ATP2C2: variants seen among roughly 807,000 people sequenced by gnomAD.
ATP2C2 encodes the protein ATPase secretory pathway Ca2+ transporting 2.
Under a neutral mutation model 110.8 loss-of-function variants are expected in ATP2C2, and 171 were observed. The ratio of observed to expected loss-of-function variants is 1.54; its 90% CI spans 1.36 to 1.75. The LOEUF (loss-of-function observed/expected upper bound fraction) is 1.75. Ranked by LOEUF, ATP2C2 falls within the 40% of genes most tolerant of loss-of-function variation. The probability of loss-of-function intolerance (pLI) is 0.00; values close to 1 mark genes in which losing one functional copy is unlikely to be tolerated. For missense variants in ATP2C2, 1,963 were observed against 1,235.0 expected (o/e 1.59, Z -8.84); for synonymous variants, 804 against 508.4 (o/e 1.58, Z -7.82).
chr16:84,450,394 G>A (rs1910149185), intron 17 of ATP2C2, among the ~76,000 whole-genome samples: 1 of 152,122 alleles, frequency 6.6e-6, no homozygotes, highest in Non-Finnish European at 1.5e-5. Flanking sequence ...AGTGGCTTGG[G>A]CTTTGAGACC....
intron 9 of ATP2C2, 78 bp downstream of exon 9, chr16:84,422,775 C>T (rs1907467148): frequency 1.4e-6 from 2 of 1,432,478 alleles, no homozygotes; most frequent in African/African-American, 1.4e-5. Flanking sequence ...ACCAGCCTTG[C>T]CTACTCCTTA....
chr16:84,416,857 G>T (rs57028881), intron 7 of ATP2C2, among the ~76,000 whole-genome samples: 1 of 152,104 alleles, frequency 6.6e-6, no homozygotes, highest in African/African-American at 2.4e-5. Context: ...GCCAATCCCC[G>T]CCTACAAGGA....
At chr16:84,407,425 C>CA (rs1014375164) in intron 3 of ATP2C2, 2 of 152,186 alleles carry the variant, frequency 1.3e-5, no homozygotes, top group African/African-American at 4.8e-5. Flanking sequence ...CCTGAGGGGA[C>CA]AGGAGCCTGG....
intron 7 of ATP2C2, among the ~76,000 whole-genome samples, chr16:84,418,714 C>G (rs572675189): frequency 6.7e-4 from 102 of 152,322 alleles, no homozygotes; most frequent in African/African-American, 2.4e-3. Context: ...TCCTTACCCC[C>G]AGGACGTTCT....
intron 16 of ATP2C2, among the ~76,000 whole-genome samples, chr16:84,446,932 C>T (rs1330478854): frequency 6.6e-6 from 1 of 152,162 alleles, no homozygotes; most frequent in Non-Finnish European, 1.5e-5. Context: ...GGAGCAAATC[C>T]TTCAGTACGG....
chr16:84,430,887 C>T (rs1366886658), intron 11 of ATP2C2, among the ~76,000 whole-genome samples: 1 of 152,076 alleles, frequency 6.6e-6, no homozygotes, highest in African/African-American at 2.4e-5. Context: ...CAAAGCCGGG[C>T]TCCTTGTCAG....
rs779919296 is a variant in ATP2C2 at position 84,439,278 on chromosome 16, G to A, written c.1099G>A (p.Val367Met). 13 of 1,612,806 alleles carry A rather than the reference G, an allele frequency of 8.1e-6. No individual in the cohort carries two copies. The highest frequency in any genetic ancestry group is 2.2e-5 in the South Asian group (2 of 91,014). Residue 367 changes from valine (V) to methionine (M), a missense_variant, in exon 12 of 27, where the codon GTG (valine) becomes ATG (methionine). Transcript: ENST00000262429. The stretch of plus-strand genomic sequence containing the variant: ...GGTCATCGTGAAGAAGTTACCCATC[G>A]TGGAGACTTTAGGTGAGGGACTCCA... ...KRVIVKKLPIVETLGCCSVLC... is the reference protein window; with the variant it reads ...KRVIVKKLPIMETLGCCSVLC...
At chr16:84,417,023 G>A (rs1567708969) in intron 7 of ATP2C2, among the ~76,000 whole-genome samples, 1 of 152,206 alleles carries the variant, frequency 6.6e-6, no homozygotes, top group African/African-American at 2.4e-5. Flanking sequence ...TATGAGAGGT[G>A]GCCAATGACC....
chr16:84,426,571 T>G (rs1446072886), intron 11 of ATP2C2, among the ~76,000 whole-genome samples: 1 of 152,144 alleles, frequency 6.6e-6, no homozygotes, highest in Middle Eastern at 3.2e-3. Flanking sequence ...GCAAGTTTCT[T>G]AGCTCTCTGT....
At chr16:84,439,772 A>C (rs559684781) in intron 13 of ATP2C2, among the ~76,000 whole-genome samples, 2 of 152,346 alleles carry the variant, frequency 1.3e-5, no homozygotes, top group East Asian at 3.9e-4. Flanking sequence ...TGCAAAATTT[A>C]AAAGCTAGAA....
At chr16:84,395,986 C>T (rs1172109157) in intron 1 of ATP2C2, among the ~76,000 whole-genome samples, 1 of 152,158 alleles carries the variant, frequency 6.6e-6, no homozygotes, top group Non-Finnish European at 1.5e-5. Flanking sequence ...ACTAACTCCC[C>T]AGCCCGGTTA....
chr16:84,452,055 A>G lies in ATP2C2; in HGVS notation c.1795A>G (p.Ile599Val), dbSNP rs759371257. 9.3e-6 allele frequency: 15 copies of G among 1,613,636 alleles called. No individual in the cohort carries two copies. Among genetic ancestry groups the G allele is most frequent in the Non-Finnish European group, 1.3e-5 (15 of 1,179,966 alleles). The part of the protein sequence containing the change: ...LSESGVSVKM[I>V]TGDALETALA... ...CGAGTCTGGTGTGTCTGTGAAGATG[A>G]TAACGGGGGATGCCCTGGAGACGGC... The change falls in exon 18 of 27, where the codon ATA becomes GTA. Residue 599 changes from isoleucine to valine, a missense_variant. Physicochemically the swap from Ile to Val is conservative, Grantham distance 29. Transcript: ENST00000262429.
chr16:84,408,403 A>T lies in ATP2C2; in HGVS notation c.328-2A>T, dbSNP rs764881316. ...TGCCCCACCCTGTTATTTCCTCTTCAGTTTAAGAACCCCCTGATCCTGCTG... is the reference window on the plus strand; with the variant it reads ...TGCCCCACCCTGTTATTTCCTCTTCTGTTTAAGAACCCCCTGATCCTGCTG... On this transcript the variant is annotated splice_acceptor_variant, in intron 3 of 26. Transcript: ENST00000262429. LOFTEE classifies it high-confidence loss of function. 9.3e-6 allele frequency: 15 copies of T among 1,613,466 alleles called. No individual in the cohort carries two copies. Among genetic ancestry groups the T allele is most frequent in the Non-Finnish European group, 1.2e-5 (14 of 1,179,780 alleles).
At position 84,447,860 on chromosome 16, in the gene ATP2C2, TA is replaced by T. The variant is rs1909900149; in HGVS notation, c.1504-671del. On this transcript the variant is annotated intron_variant, in intron 16 of 26. Transcript: ENST00000262429. ...CTGTAATTAATATTATATTTATTAA[TA>T]ACATTAATATGTTAATTACATATTA... 4.8e-5 allele frequency among the ~76,000 whole-genome samples: 7 copies of T among 145,428 alleles called. No homozygotes were observed. The South Asian group carries it at 1.5e-3, about 31-fold the overall frequency.
chr16:84,406,608 T>A, intron 3 of ATP2C2: 19 of 985,618 alleles, frequency 1.9e-5, no homozygotes, highest in Non-Finnish European at 2.3e-5. Flanking sequence ...GTTCTGGGAA[T>A]GTTATTCATC....
chr16:84,461,571 G>A (rs952761759), intron 24 of ATP2C2, 143 bp from the exon 25 acceptor site: 4 of 757,418 alleles, frequency 5.3e-6, no homozygotes, highest in African/African-American at 5.1e-5. Flanking sequence ...CTCACACCTG[G>A]AGGAAGCTGT....
At position 84,462,071 on chromosome 16, in the gene ATP2C2, G is replaced by T. The variant is rs562493115; in HGVS notation, c.2664G>T (p.Ala888=). 5.0e-6 allele frequency: 8 copies of T among 1,614,036 alleles called. No individual in the cohort carries two copies. The highest frequency in any genetic ancestry group is 6.8e-6 in the Non-Finnish European group (8 of 1,179,966). The change falls in exon 26 of 27, where the codon GCG becomes GCT. Residue 888 remains alanine, a synonymous_variant. Coordinates refer to ENST00000262429, the MANE Select transcript of ATP2C2 (RefSeq NM_014861.4). ...SVLGSILGQL[A]VIYIPPLQRV... ...TGGGGTCCATCCTGGGGCAGCTGGC[G>T]GTCATTTACATCCCCCCGCTGCAGA...
At chr16:84,438,554 C>T (rs1908950822) in intron 11 of ATP2C2, among the ~76,000 whole-genome samples, 1 of 152,228 alleles carries the variant, frequency 6.6e-6, no homozygotes, top group Admixed American at 6.5e-5. Context: ...TCGAATCCAG[C>T]CAACCCTGGT....
Position 84,459,368 on chromosome 16 carries a change from A to T in ATP2C2, c.2315A>T (p.Asp772Val). ...MQILWINIIM[D>V]GPPAQSLGVE... ...ATCCTATGGATCAACATCATCATGG[A>T]TGGGCCACCGGCGCAGAGGTGAGGC... Residue 772 changes from aspartate (D) to valine (V), a missense_variant, in exon 23 of 27, where the codon GAT becomes GTT. Coordinates refer to ENST00000262429, the MANE Select transcript of ATP2C2 (RefSeq NM_014861.4). 3 of 1,614,136 alleles carry T rather than the reference A, an allele frequency of 1.9e-6. No homozygotes were observed. Among genetic ancestry groups the T allele is most frequent in the Non-Finnish European group, 2.5e-6 (3 of 1,180,010 alleles).
Sources: allele counts gnomAD v4.1 joint callset (sites outside exome capture counted in the v4.1 genomes callset), GRCh38; gene constraint gnomAD v4.1.1; transcripts MANE v1.5; gene names NCBI Gene and HGNC (gene_info 2026-07-23, HGNC 2026-07-21).